Variants in HS3ST5 observed in about 807,000 individuals in gnomAD.
The protein encoded by HS3ST5 is heparan sulfate-glucosamine 3-sulfotransferase 5, also known as heparan sulfate glucosamine 3-O-sulfotransferase 5.
Under a neutral mutation model 25.4 loss-of-function variants are expected in HS3ST5, and 10 were observed. The observed-to-expected ratio is 0.39, with a 90% confidence interval of 0.24 to 0.67. The LOEUF is 0.67. Among genes scored for constraint, HS3ST5 ranks in the 30% least tolerant of loss-of-function variants. The pLI, the probability that HS3ST5 is intolerant of heterozygous loss-of-function variation, is 0.44. For synonymous variants in HS3ST5, 170 were observed against 162.4 expected (o/e 1.05, Z -0.36); for missense variants, 324 against 420.7 (o/e 0.77, Z 2.01).
At chr6:114,268,008 T>G (rs1380450202) in intron 1 of HS3ST5, among the ~76,000 whole-genome samples, 1 of 152,188 alleles carries the variant, frequency 6.6e-6, no homozygotes, top group Non-Finnish European at 1.5e-5. Flanking sequence ...TTCGCAACAT[T>G]AAGTTTGTGC....
intron 2 of HS3ST5, among the ~76,000 whole-genome samples, chr6:114,209,577 AAAAG>A (rs1353689573): frequency 6.6e-6 from 1 of 152,200 alleles, no homozygotes; most frequent in Admixed American, 6.5e-5. Context: ...TATTTTAATA[AAAAG>A]AAAGCCATTA....
chr6:114,311,904 CA>C (rs1261925778), intron 1 of HS3ST5, among the ~76,000 whole-genome samples: 1 of 152,150 alleles, frequency 6.6e-6, no homozygotes, highest in Non-Finnish European at 1.5e-5. Flanking sequence ...ATTTACTATG[CA>C]TTTCATTATT....
chr6:114,155,003 G>A (rs1778631520), intron 3 of HS3ST5, among the ~76,000 whole-genome samples: 1 of 152,104 alleles, frequency 6.6e-6, no homozygotes, highest in Non-Finnish European at 1.5e-5. Context: ...CAGCTGGAAT[G>A]TCCGCTCTGG....
chr6:114,201,276 C>T (rs1781002501), intron 2 of HS3ST5, among the ~76,000 whole-genome samples: 1 of 152,168 alleles, frequency 6.6e-6, no homozygotes, highest in Admixed American at 6.6e-5. Context: ...CTTGACCTCT[C>T]TTTTTTACCT....
chr6:114,321,803 C>CT (rs1446517243), intron 1 of HS3ST5, among the ~76,000 whole-genome samples: 1 of 152,012 alleles, frequency 6.6e-6, no homozygotes, highest in Non-Finnish European at 1.5e-5. Context: ...GACTGTTTAT[C>CT]TGATTTTTGG....
At chr6:114,085,917 A>T (rs959168920) in intron 3 of HS3ST5, among the ~76,000 whole-genome samples, 1 of 138,416 alleles carries the variant, frequency 7.2e-6, no homozygotes, top group African/African-American at 2.7e-5. Context: ...TTTCTCTTAA[A>T]TTCATATAAA....
chr6:114,336,499 T>C (rs1001759024), intron 1 of HS3ST5, among the ~76,000 whole-genome samples: 2 of 152,148 alleles, frequency 1.3e-5, no homozygotes, highest in Non-Finnish European at 2.9e-5. Context: ...TCCCAGCTGC[T>C]CAGGAGGCTG....
At chr6:114,222,007 T>C (rs530646326) in intron 2 of HS3ST5, among the ~76,000 whole-genome samples, 1 of 151,982 alleles carries the variant, frequency 6.6e-6, no homozygotes, top group South Asian at 2.1e-4. Flanking sequence ...GTAGAGAAGC[T>C]GATTATTAAA....
chr6:114,301,067 C>G (rs1775053887), intron 1 of HS3ST5, among the ~76,000 whole-genome samples: 1 of 152,100 alleles, frequency 6.6e-6, no homozygotes. Context: ...AGAAAATGTT[C>G]TAGAATAAAA....
chr6:114,063,041 C>G (rs565656952), intron 3 of HS3ST5, among the ~76,000 whole-genome samples, 164 bp from the exon 4 acceptor site: 1 of 152,218 alleles, frequency 6.6e-6, no homozygotes, highest in Admixed American at 6.5e-5. Flanking sequence ...GCAAAACTTA[C>G]CTTTCTTTTC....
intron 1 of HS3ST5, among the ~76,000 whole-genome samples, chr6:114,318,259 A>G (rs1204380885): frequency 1.3e-5 from 2 of 152,202 alleles, no homozygotes; most frequent in African/African-American, 4.8e-5. Flanking sequence ...CATAGGACAT[A>G]TATTTTTTTA....
chr6:114,293,559 G>T lies in HS3ST5; in HGVS notation c.-339+48636C>A, dbSNP rs554895362. ...AGTAAAATGAGTAGGAAGTGACAAG[G>T]TCCTAAGCTAGGGAAGTTCATGGGG... On this transcript the variant is annotated intron_variant, in intron 1 of 4. Transcript: ENST00000312719. Among the ~76,000 whole-genome samples the T allele has an allele frequency of 6.6e-5, 10 of 152,268 alleles. No individual in the cohort carries two copies. The South Asian group carries it at 1.7e-3, about 25-fold the overall frequency.
intron 1 of HS3ST5, among the ~76,000 whole-genome samples, chr6:114,304,902 C>T (rs1775225302): frequency 6.6e-6 from 1 of 152,088 alleles, no homozygotes; most frequent in Admixed American, 6.6e-5. Flanking sequence ...TTAGCTCTCA[C>T]ATAGACATAG....
chr6:114,294,586 C>T (rs1377616553), intron 1 of HS3ST5, among the ~76,000 whole-genome samples: 2 of 151,964 alleles, frequency 1.3e-5, no homozygotes, highest in African/African-American at 4.8e-5. Context: ...GCTGGGACTA[C>T]AGGCGCCCGC....
chr6:114,125,010 G>A (rs1776971907), intron 3 of HS3ST5, among the ~76,000 whole-genome samples: 1 of 152,142 alleles, frequency 6.6e-6, no homozygotes, highest in Non-Finnish European at 1.5e-5. Context: ...CAGGATATAA[G>A]TTTATATATC....
intron 1 of HS3ST5, among the ~76,000 whole-genome samples, chr6:114,274,654 G>A (rs1773772916): frequency 6.6e-6 from 1 of 152,010 alleles, no homozygotes; most frequent in Non-Finnish European, 1.5e-5. Flanking sequence ...AAAGACAAGT[G>A]GCAGTTAAGG....
intron 1 of HS3ST5, among the ~76,000 whole-genome samples, chr6:114,257,707 A>G (rs1468811587): frequency 6.6e-6 from 1 of 151,966 alleles, no homozygotes. Flanking sequence ...TTATTTGTAT[A>G]TGTCACGTAT....
chr6:114,082,553 C>T (rs888554308), intron 3 of HS3ST5, among the ~76,000 whole-genome samples: 2 of 152,014 alleles, frequency 1.3e-5, no homozygotes, highest in African/African-American at 2.4e-5. Flanking sequence ...ATTTATTGAG[C>T]GGTGTTAAAG....
chr6:114,149,722 G>A (rs1778360950), intron 3 of HS3ST5, among the ~76,000 whole-genome samples: 1 of 151,922 alleles, frequency 6.6e-6, no homozygotes, highest in South Asian at 2.1e-4. Flanking sequence ...ATGTGTCCTG[G>A]AACTTCAAGT....
Sources: allele counts gnomAD v4.1 joint callset (sites outside exome capture counted in the v4.1 genomes callset), GRCh38; gene constraint gnomAD v4.1.1; transcripts MANE v1.5; gene names NCBI Gene and HGNC (gene_info 2026-07-23, HGNC 2026-07-21).